The following GABRG2 variants were observed in gnomAD, a reference collection of about 807,000 sequenced individuals.
GABRG2 encodes gamma-aminobutyric acid type A receptor subunit gamma2, also known as gamma-aminobutyric acid receptor subunit gamma-2.
Under a neutral mutation model 56.4 loss-of-function variants are expected in GABRG2, and 16 were observed. The ratio of observed to expected loss-of-function variants is 0.28; its 90% CI spans 0.19 to 0.43. The LOEUF is 0.43. Ranked by LOEUF, GABRG2 falls within the 20% of genes least tolerant of loss-of-function variation. The pLI is 1.00. For synonymous variants in GABRG2, 208 were observed against 205.5 expected, an observed-to-expected ratio of 1.01 and a Z score of -0.10; for missense variants, 327 against 582.7, an observed-to-expected ratio of 0.56 and a Z score of 4.52.
chr5:162,071,573 G>C (rs957043743), intron 1 of GABRG2, among the ~76,000 whole-genome samples: 1 of 151,780 alleles, frequency 6.6e-6, no homozygotes, highest in Non-Finnish European at 1.5e-5. Flanking sequence ...TGCTTTTGAT[G>C]ATGTTTCTTA....
chr5:162,119,966 G>A (rs1762874693), intron 6 of GABRG2, among the ~76,000 whole-genome samples: 1 of 152,002 alleles, frequency 6.6e-6, no homozygotes, highest in South Asian at 2.1e-4. Flanking sequence ...CCTCTTCCTG[G>A]CATTTGGAAT....
At chr5:162,143,298 C>A (rs112825004) in intron 7 of GABRG2, among the ~76,000 whole-genome samples, 16 of 152,214 alleles carry the variant, frequency 1.1e-4, no homozygotes, top group African/African-American at 3.9e-4. Flanking sequence ...GTAATCGGCT[C>A]TTTACAGAAC....
intron 6 of GABRG2, among the ~76,000 whole-genome samples, chr5:162,141,865 T>A (rs1240508191): frequency 6.6e-6 from 1 of 152,088 alleles, no homozygotes; most frequent in African/African-American, 2.4e-5. Context: ...ATTTTTATAA[T>A]GTTTGTGAAG....
At chr5:162,091,963 T>C (rs1322275353) in intron 1 of GABRG2, among the ~76,000 whole-genome samples, 1 of 152,090 alleles carries the variant, frequency 6.6e-6, no homozygotes, top group Non-Finnish European at 1.5e-5. Flanking sequence ...GCAAGAACAA[T>C]TTAAACCGTA....
At chr5:162,093,342 A>G (rs1177785167) in intron 1 of GABRG2, among the ~76,000 whole-genome samples, 3 of 152,090 alleles carry the variant, frequency 2.0e-5, no homozygotes, top group Non-Finnish European at 4.4e-5. Context: ...CTTAGTGTTC[A>G]AGTTAGCGGG....
chr5:162,153,456 G>A lies in GABRG2; in HGVS notation c.*88G>A. 2 of 1,433,536 alleles carry A rather than the reference G, an allele frequency of 1.4e-6. No individual in the cohort carries two copies. Among genetic ancestry groups the A allele is most frequent in the Non-Finnish European group, 2.0e-6 (2 of 1,018,374 alleles). 88.8% of individuals were successfully genotyped at this position (1,433,536 alleles called of 1,614,324 possible). On this transcript the variant is annotated 3_prime_UTR_variant, in exon 10 of 10. Transcript: ENST00000639213. ...TAAGTCCACTTAAATAATCCTCTAT[G>A]TGGTTGATAATGATCTGAATCTGTT... is the stretch of plus-strand genomic sequence containing the variant.
At chr5:162,084,706 A>G (rs1358693855) in intron 1 of GABRG2, among the ~76,000 whole-genome samples, 1 of 151,950 alleles carries the variant, frequency 6.6e-6, no homozygotes, top group Non-Finnish European at 1.5e-5. Flanking sequence ...TAGTCATCAT[A>G]TAAATGAAGA....
rs75278507 is a variant in GABRG2, at chr5:162,144,240, C to T, written c.922+1924C>T. Reference sequence around the variant, plus strand: ...AATAATTGTTCAATTGATGTATACACTTATGTATGGCTGGAGCAAATACAT... The same window carrying T: ...AATAATTGTTCAATTGATGTATACATTTATGTATGGCTGGAGCAAATACAT... On this transcript the variant is annotated intron_variant, in intron 7 of 9. Transcript: ENST00000639213. 7.6e-3 allele frequency among the ~76,000 whole-genome samples: 1,161 copies of T among 152,294 alleles called. 8 individuals are homozygous for T. The highest frequency in any genetic ancestry group is 0.026 in the African/African-American group (1,067 of 41,556).
At position 162,067,967 on chromosome 5, in the gene GABRG2, G is replaced by T; in HGVS notation, c.-33G>T. ...GGAGGGATTCTTCTGCAACCAAGAG[G>T]CAAGAGGCGAGAGAAGGAAAAAAAA... is the stretch of plus-strand genomic sequence containing the variant. On this transcript the variant is annotated 5_prime_UTR_variant, in exon 1 of 10. Coordinates refer to ENST00000639213, the MANE Select transcript of GABRG2 (RefSeq NM_198904.4). 3 of 1,420,470 alleles carry T rather than the reference G, an allele frequency of 2.1e-6. No homozygotes were observed. Among genetic ancestry groups the T allele is most frequent in the East Asian group, 4.6e-5 (2 of 43,876 alleles). The allele number at this position is 1,420,470 out of a possible 1,614,324, so 88.0% of individuals were successfully genotyped here. A position where few individuals can be genotyped will look rare whatever the true frequency, so the allele number is the denominator to read the frequency against.
At chr5:162,085,491 T>A (rs1760003762) in intron 1 of GABRG2, among the ~76,000 whole-genome samples, 1 of 151,932 alleles carries the variant, frequency 6.6e-6, no homozygotes, top group Non-Finnish European at 1.5e-5. Context: ...TTGACATGAC[T>A]TTAGGATTTG....
intron 1 of GABRG2, among the ~76,000 whole-genome samples, chr5:162,090,247 C>A (rs1467373561): frequency 6.6e-6 from 1 of 151,960 alleles, no homozygotes; most frequent in Non-Finnish European, 1.5e-5. Flanking sequence ...CCCATCCCAA[C>A]ACATACACAT....
intron 6 of GABRG2, among the ~76,000 whole-genome samples, chr5:162,105,447 T>TTTTTTTTTA (rs397999750): frequency 1.4e-5 from 2 of 147,026 alleles, no homozygotes; most frequent in Non-Finnish European, 3.0e-5. Flanking sequence ...TTTTTTTTTT[T>TTTTTTTTTA]GAGAAGGAGT....
chr5:162,069,017 C>A (rs1397607163), intron 1 of GABRG2, among the ~76,000 whole-genome samples: 2 of 151,990 alleles, frequency 1.3e-5, no homozygotes, highest in African/African-American at 4.8e-5. Flanking sequence ...TGTTTTAAAA[C>A]CTTGCTGCAC....
At chr5:162,067,478 C>T (rs190756358), upstream of GABRG2, 3 of 418,316 alleles carry the variant, frequency 7.2e-6, no homozygotes, top group East Asian at 3.4e-5. Context: ...TCCACTTTGA[C>T]CTCATAGTTA....
intron 1 of GABRG2, among the ~76,000 whole-genome samples, chr5:162,068,417 G>T (rs1178445709): frequency 6.6e-6 from 1 of 152,042 alleles, no homozygotes; most frequent in African/African-American, 2.4e-5. Flanking sequence ...ATCGGAGTGG[G>T]CTGTGCTGAT....
intron 6 of GABRG2, among the ~76,000 whole-genome samples, chr5:162,116,574 A>T (rs2113456222): frequency 6.6e-6 from 1 of 152,084 alleles, no homozygotes; most frequent in Non-Finnish European, 1.5e-5. Context: ...ATGGAATAAG[A>T]TGCACAATGC....
At chr5:162,087,678 G>A (rs930570063) in intron 1 of GABRG2, among the ~76,000 whole-genome samples, 7 of 152,152 alleles carry the variant, frequency 4.6e-5, no homozygotes, top group South Asian at 2.1e-4. Context: ...GAACTGAGTC[G>A]AAACTCCCAG....
Position 162,099,893 on chromosome 5 carries a change from A to G in GABRG2, c.549-1342A>G, listed in dbSNP as rs1340598561. The G allele has an allele frequency of 2.6e-5, 4 of 152,266 alleles. No individual in the cohort carries two copies. The East Asian group carries it at 7.7e-4, about 29-fold the overall frequency. 9.4% of individuals were successfully genotyped at this position (152,266 alleles called of 1,614,324 possible). A position where few individuals can be genotyped will look rare whatever the true frequency, so the allele number is the denominator to read the frequency against. On this transcript the variant is annotated intron_variant, in intron 4 of 9. Transcript: ENST00000639213. ...CATGCCCAAAGACATTTAGATCTGT[A>G]TCTATGTTTGTATCTGCAATTATAT...
Position 162,149,170 on chromosome 5 carries a change from G to C in GABRG2, c.985G>C (p.Val329Leu). 1.2e-6 allele frequency: 2 copies of C among 1,613,920 alleles called. No homozygotes were observed. The highest frequency in any genetic ancestry group is 8.5e-7 in the Non-Finnish European group (1 of 1,179,998). The part of the protein sequence containing the change: ...STIARKSLPK[V>L]SYVTAMDLFV... ...CATTGCCCGGAAATCGCTCCCCAAG[G>C]TCTCCTATGTCACAGCGATGGATCT... Residue 329 changes from valine to leucine, a missense_variant, in exon 8 of 10, where the codon GTC becomes CTC. Physicochemically the swap from Val to Leu is conservative, Grantham distance 32 (BLOSUM62 1). Around this residue, in one of 4 missense-constraint regions of GABRG2, gnomAD observed 42 missense variants for 156.9 expected, o/e 0.27. Transcript: ENST00000639213.
Sources: allele counts gnomAD v4.1 joint callset (sites outside exome capture counted in the v4.1 genomes callset), GRCh38; gene constraint gnomAD v4.1.1; regional missense constraint gnomAD v4.1.1; transcripts MANE v1.5; gene names NCBI Gene and HGNC (gene_info 2026-07-23, HGNC 2026-07-21).